The following CSMD3 variants were observed in gnomAD, a reference collection of about 807,000 sequenced individuals.
The protein encoded by CSMD3 is CUB and Sushi multiple domains 3.
In CSMD3, 177 loss-of-function variants were observed where a neutral mutation model predicts 435.2. The ratio of observed to expected loss-of-function variants is 0.41; its 90% CI spans 0.36 to 0.46. CSMD3 has a LOEUF of 0.46. Ranked by LOEUF, CSMD3 falls within the 20% of genes least tolerant of loss-of-function variation. The pLI, the probability that CSMD3 is intolerant of heterozygous loss-of-function variation, is 0.34. For synonymous variants in CSMD3, 1,656 were observed against 1,520.5 expected (o/e 1.09, Z -2.07); for missense variants, 4,265 against 4,504.6 (o/e 0.95, Z 1.52).
chr8:112,775,196 A>G (rs2078215923), intron 13 of CSMD3, among the ~76,000 whole-genome samples: 1 of 151,690 alleles, frequency 6.6e-6, no homozygotes, highest in Non-Finnish European at 1.5e-5. Context: ...ATGATATATT[A>G]TCATAATAGA....
At chr8:112,989,826 T>A (rs1188393496) in intron 6 of CSMD3, among the ~76,000 whole-genome samples, 1 of 152,006 alleles carries the variant, frequency 6.6e-6, no homozygotes, top group Admixed American at 6.6e-5. Context: ...AAACTGCCAC[T>A]GATATGGTTT....
At chr8:112,228,920 C>T (rs762154161) in intron 69 of CSMD3, 29 bp from the exon 70 acceptor site, 7 of 1,162,054 alleles carry the variant, frequency 6.0e-6, no homozygotes, top group African/African-American at 3.1e-5. Flanking sequence ...ATTATAAATA[C>T]ACAACTCTTT....
At chr8:112,525,905 G>GTA (rs1824901169) in intron 27 of CSMD3, among the ~76,000 whole-genome samples, 1 of 137,068 alleles carries the variant, frequency 7.3e-6, no homozygotes, top group African/African-American at 2.8e-5. Flanking sequence ...TTTTATATAT[G>GTA]TATATATATT....
chr8:112,406,882 C>T (rs566435686), intron 34 of CSMD3, among the ~76,000 whole-genome samples, 155 bp from the exon 35 acceptor site: 78 of 152,026 alleles, frequency 5.1e-4, no homozygotes, highest in African/African-American at 1.8e-3. Context: ...AAATTTCAGA[C>T]AGAATAAAAT....
intron 4 of CSMD3, among the ~76,000 whole-genome samples, chr8:113,127,813 T>C (rs1408009032): frequency 6.6e-6 from 1 of 152,120 alleles, no homozygotes; most frequent in Non-Finnish European, 1.5e-5. Flanking sequence ...TTCCTGTAAG[T>C]ACCAAGGGCC....
intron 5 of CSMD3, among the ~76,000 whole-genome samples, chr8:113,054,640 T>C (rs1238137340): frequency 6.6e-6 from 1 of 152,182 alleles, no homozygotes; most frequent in Non-Finnish European, 1.5e-5. Context: ...TATTAAAATA[T>C]GTTCTAATCT....
intron 45 of CSMD3, among the ~76,000 whole-genome samples, chr8:112,334,384 A>G (rs1349772261): frequency 2.6e-5 from 4 of 152,216 alleles, no homozygotes; most frequent in African/African-American, 9.6e-5. Flanking sequence ...TATAAGCTTT[A>G]AGTATCAAAT....
intron 4 of CSMD3, among the ~76,000 whole-genome samples, chr8:113,099,433 T>C (rs571589679): frequency 6.6e-6 from 1 of 152,226 alleles, no homozygotes; most frequent in South Asian, 2.1e-4. Context: ...ATAGTTCATG[T>C]CAATGGTATG....
At chr8:112,228,716 A>T in intron 70 of CSMD3, 40 bp downstream of exon 70, 1 of 1,579,212 alleles carries the variant, frequency 6.3e-7, no homozygotes, top group Non-Finnish European at 8.7e-7. Flanking sequence ...TGAAAAACAG[A>T]TTTGGGAAAC....
intron 4 of CSMD3, among the ~76,000 whole-genome samples, chr8:113,153,100 G>GAAAAGAAAGA (rs1564370767): frequency 1.9e-5 from 1 of 54,002 alleles, no homozygotes; most frequent in African/African-American, 9.4e-5. Flanking sequence ...AAGAAAGAAA[G>GAAAAGAAAGA]AAAAGAAAGA....
At chr8:112,380,999 T>C (rs967037645) in intron 37 of CSMD3, among the ~76,000 whole-genome samples, 1 of 152,082 alleles carries the variant, frequency 6.6e-6, no homozygotes, top group African/African-American at 2.4e-5. Context: ...ATTGGTGAAC[T>C]AACTAAAAAG....
At chr8:112,761,839 T>C (rs530105417) in intron 13 of CSMD3, among the ~76,000 whole-genome samples, 1 of 152,198 alleles carries the variant, frequency 6.6e-6, no homozygotes, top group East Asian at 1.9e-4. Flanking sequence ...CATGTGTATG[T>C]AAGTGCATGA....
rs150613262 is a variant in CSMD3, at chr8:113,407,064, A to G, written c.178+29613T>C. Among the ~76,000 whole-genome samples the G allele has an allele frequency of 6.0e-3, 918 of 152,308 alleles. 3 individuals carry two copies. The highest frequency in any genetic ancestry group is 9.0e-3 in the Non-Finnish European group (612 of 68,008). ...ACTACAAAAGTTAGAAGAGGTAGCT[A>G]CATAAAAATTTAGTAAGAACTATAC... On this transcript the variant is annotated intron_variant, in intron 1 of 70. Coordinates refer to ENST00000297405, the MANE Select transcript of CSMD3 (RefSeq NM_198123.2).
intron 32 of CSMD3, among the ~76,000 whole-genome samples, chr8:112,451,146 A>C (rs10098195): frequency 0.43 from 64,835 of 151,942 alleles, 14,822 homozygotes; most frequent in Middle Eastern, 0.6. Context: ...ATTTAAATAT[A>C]AATGATGGAT....
chr8:112,994,764 T>C (rs1235341773), intron 6 of CSMD3, among the ~76,000 whole-genome samples: 1 of 151,552 alleles, frequency 6.6e-6, no homozygotes, highest in Non-Finnish European at 1.5e-5. Flanking sequence ...TAGCTCAGTG[T>C]TCATATGTGC....
At chr8:112,465,445 T>A (rs1381982632) in intron 32 of CSMD3, among the ~76,000 whole-genome samples, 2 of 152,106 alleles carry the variant, frequency 1.3e-5, no homozygotes, top group Non-Finnish European at 2.9e-5. Flanking sequence ...TTCAACAGTC[T>A]TTGAAATGTA....
intron 9 of CSMD3, among the ~76,000 whole-genome samples, chr8:112,930,691 C>G (rs756666237): frequency 6.6e-6 from 1 of 152,130 alleles, no homozygotes; most frequent in East Asian, 1.9e-4. Context: ...CTACTCTTGA[C>G]GTTTTTACCA....
intron 20 of CSMD3, among the ~76,000 whole-genome samples, chr8:112,640,518 A>G (rs2074794494): frequency 6.6e-6 from 1 of 152,128 alleles, no homozygotes; most frequent in African/African-American, 2.4e-5. Flanking sequence ...AATGAATCAG[A>G]GATTTCATAT....
At chr8:112,566,235 C>G (rs1306499722) in intron 24 of CSMD3, among the ~76,000 whole-genome samples, 1 of 152,044 alleles carries the variant, frequency 6.6e-6, no homozygotes, top group African/African-American at 2.4e-5. Flanking sequence ...ATTTCCATGT[C>G]TGCACTTGTT....
Sources: allele counts gnomAD v4.1 joint callset (sites outside exome capture counted in the v4.1 genomes callset), GRCh38; gene constraint gnomAD v4.1.1; transcripts MANE v1.5; gene names NCBI Gene and HGNC (gene_info 2026-07-23, HGNC 2026-07-21).